Variants in VWA3B observed in about 807,000 individuals in gnomAD.
VWA3B encodes the protein von Willebrand factor A domain-containing protein 3B.
In VWA3B, 138 loss-of-function variants were observed where a neutral mutation model predicts 158.3. The ratio of observed to expected loss-of-function variants is 0.87; its 90% CI spans 0.76 to 1.00. The LOEUF (loss-of-function observed/expected upper bound fraction) is 1.00. Among genes scored for constraint, VWA3B ranks in the 50% least tolerant of loss-of-function variants. The pLI is 0.00. For synonymous variants in VWA3B, 596 were observed against 587.3 expected (o/e 1.01, Z -0.21); for missense variants, 1,555 against 1,565.1 (o/e 0.99, Z 0.11).
intron 13 of VWA3B, 137 bp from the exon 14 acceptor site, chr2:98,217,709 G>A: frequency 1.4e-6 from 1 of 707,534 alleles, no homozygotes; most frequent in South Asian, 3.0e-5. Flanking sequence ...GAATCGACAT[G>A]TTTTTAAGAA....
chr2:98,163,286 C>T (rs1472969215), intron 8 of VWA3B, among the ~76,000 whole-genome samples: 1 of 152,076 alleles, frequency 6.6e-6, no homozygotes, highest in African/African-American at 2.4e-5. Flanking sequence ...ACACCTGTTA[C>T]CCCAGCACTT....
At chr2:98,203,422 T>C (rs1682751902) in intron 12 of VWA3B, among the ~76,000 whole-genome samples, 1 of 152,242 alleles carries the variant, frequency 6.6e-6, no homozygotes, top group Non-Finnish European at 1.5e-5. Flanking sequence ...TGGGCCTTTA[T>C]TTTCCATACA....
intron 2 of VWA3B, among the ~76,000 whole-genome samples, chr2:98,107,975 A>G (rs1573778819): frequency 6.6e-6 from 1 of 151,416 alleles, no homozygotes; most frequent in East Asian, 1.9e-4. Flanking sequence ...TTGAGATTTT[A>G]TGTTTTCTTA....
intron 26 of VWA3B, 121 bp from the exon 27 acceptor site, chr2:98,311,698 C>G (rs1409778690): frequency 8.2e-7 from 1 of 1,221,178 alleles, no homozygotes. Flanking sequence ...CCAGAGACTC[C>G]TTTCCATGGG....
intron 8 of VWA3B, 65 bp downstream of exon 8, chr2:98,163,041 CTGCTTCCA>C (rs1678761060): frequency 6.3e-7 from 1 of 1,593,258 alleles, no homozygotes; most frequent in Admixed American, 1.7e-5. Context: ...GGACCAGGGG[CTGCTTCCA>C]TGTTCCTGAC....
chr2:98,106,308 G>A (rs374260011), intron 2 of VWA3B, among the ~76,000 whole-genome samples: 2 of 151,936 alleles, frequency 1.3e-5, no homozygotes, highest in African/African-American at 2.4e-5. Flanking sequence ...AAATTGGGCC[G>A]GGTGAGTCCT....
At chr2:98,151,191 C>T (rs1416003288) in intron 7 of VWA3B, among the ~76,000 whole-genome samples, 2 of 151,860 alleles carry the variant, frequency 1.3e-5, no homozygotes, top group African/African-American at 4.8e-5. Context: ...CTGCTCACTG[C>T]AACCTCCACC....
At chr2:98,169,180 AT>A (rs1209532465) in intron 8 of VWA3B, among the ~76,000 whole-genome samples, 3 of 152,348 alleles carry the variant, frequency 2.0e-5, no homozygotes, top group African/African-American at 7.2e-5. Context: ...GTGGGGCAGC[AT>A]TTTTTCTTTC....
At chr2:98,295,579 G>C (rs1689754219) in intron 23 of VWA3B, among the ~76,000 whole-genome samples, 1 of 152,172 alleles carries the variant, frequency 6.6e-6, no homozygotes, top group South Asian at 2.1e-4. Flanking sequence ...GAGGAGGGGA[G>C]GCAGTGGAAG....
At chr2:98,149,166 G>A (rs904991636) in intron 7 of VWA3B, among the ~76,000 whole-genome samples, 3 of 152,214 alleles carry the variant, frequency 2.0e-5, no homozygotes, top group Non-Finnish European at 4.4e-5. Context: ...AGATTGAGCT[G>A]TATCAGCAGT....
chr2:98,261,264 T>C (rs1687463535), intron 21 of VWA3B, among the ~76,000 whole-genome samples: 2 of 151,832 alleles, frequency 1.3e-5, no homozygotes, highest in Non-Finnish European at 3.0e-5. Context: ...TGAATTGATA[T>C]GAAGTTAGTT....
chr2:98,140,828 A>G (rs908797489), intron 7 of VWA3B, among the ~76,000 whole-genome samples: 4 of 152,280 alleles, frequency 2.6e-5, no homozygotes, highest in Non-Finnish European at 2.9e-5. Context: ...ACAGAGTCAC[A>G]TTGAGCTTCC....
chr2:98,137,576 C>CTA (rs1444017281), intron 7 of VWA3B, among the ~76,000 whole-genome samples: 2 of 151,936 alleles, frequency 1.3e-5, no homozygotes, highest in East Asian at 1.9e-4. Context: ...GTGTACCTCT[C>CTA]TATATATATA....
At chr2:98,176,535 C>T (rs917683473) in intron 8 of VWA3B, among the ~76,000 whole-genome samples, 2 of 149,870 alleles carry the variant, frequency 1.3e-5, no homozygotes, top group African/African-American at 4.9e-5. Flanking sequence ...TCCTTCTTTC[C>T]TTCTGCCTTC....
At chr2:98,286,226 C>G (rs1689159501) in intron 22 of VWA3B, among the ~76,000 whole-genome samples, 1 of 152,068 alleles carries the variant, frequency 6.6e-6, no homozygotes, top group African/African-American at 2.4e-5. Flanking sequence ...TGAATAAAGA[C>G]AGTTTTACTT....
intron 6 of VWA3B, chr2:98,133,553 C>A: frequency 2.4e-6 from 1 of 418,640 alleles, no homozygotes; most frequent in South Asian, 3.7e-5. Flanking sequence ...TTCCCAGGAC[C>A]AAGAAATACC....
intron 8 of VWA3B, chr2:98,179,188 T>C (rs1680259120): frequency 2.1e-6 from 1 of 470,836 alleles, no homozygotes. Context: ...CTCCTCAGCT[T>C]CACAGTTCCT....
chr2:98,190,661 AG>A, intron 10 of VWA3B, among the ~76,000 whole-genome samples: 1 of 152,288 alleles, frequency 6.6e-6, no homozygotes, highest in African/African-American at 2.4e-5. Context: ...TCTGTCTTTC[AG>A]TACTTTGAAA....
chr2:98,270,559 T>C, intron 21 of VWA3B, 123 bp from the exon 22 acceptor site: 1 of 996,000 alleles, frequency 1.0e-6, no homozygotes, highest in Non-Finnish European at 1.5e-6. Flanking sequence ...GACACTAGCT[T>C]CAACAGATGT....
Sources: allele counts gnomAD v4.1 joint callset (sites outside exome capture counted in the v4.1 genomes callset), GRCh38; gene constraint gnomAD v4.1.1; transcripts MANE v1.5; gene names NCBI Gene and HGNC (gene_info 2026-07-23, HGNC 2026-07-21).